Variants in AQP7B observed in about 807,000 individuals in gnomAD.
AQP7B encodes the protein aquaporin 7B.
At chr2:94,591,570 C>T in the AQP7B span, among the ~76,000 whole-genome samples, 1 of 152,160 alleles carries the variant, frequency 6.6e-6, no homozygotes, top group Non-Finnish European at 1.5e-5. Flanking sequence ...TGAAATCCTC[C>T]ACTTGGCCCA....
the AQP7B span, chr2:94,603,916 A>C: frequency 2.3e-6 from 3 of 1,293,236 alleles, no homozygotes; most frequent in Admixed American, 5.2e-5. Context: ...TGGCTGGGGC[A>C]AACAGGTCTT....
chr2:94,600,521 C>CTCA, the AQP7B span, among the ~76,000 whole-genome samples: 1 of 152,072 alleles, frequency 6.6e-6, no homozygotes. Flanking sequence ...TGCTTAAGGC[C>CTCA]AGGAGCTCAA....
the AQP7B span, chr2:94,603,192 G>A: frequency 1.4e-6 from 2 of 1,477,646 alleles, no homozygotes; most frequent in Non-Finnish European, 1.9e-6. Context: ...TGCTGCCTGG[G>A]TGTCCACCTC....
the AQP7B span, among the ~76,000 whole-genome samples, chr2:94,601,294 G>A: frequency 2.0e-5 from 3 of 152,286 alleles, no homozygotes; most frequent in South Asian, 6.2e-4. Context: ...TTTCTGGCTC[G>A]GCCAACGGGG....
chr2:94,589,738 C>T, the AQP7B span, among the ~76,000 whole-genome samples: 1 of 151,934 alleles, frequency 6.6e-6, no homozygotes, highest in African/African-American at 2.4e-5. Flanking sequence ...TGGTGTCTCA[C>T]AGGCAACTCA....
At chr2:94,597,820 G>A in the AQP7B span, among the ~76,000 whole-genome samples, 12 of 152,082 alleles carry the variant, frequency 7.9e-5, no homozygotes, top group South Asian at 2.5e-3. Context: ...GTCAAGGCTG[G>A]TCTTGAACTC....
chr2:94,598,804 T>TTTTATTTA, the AQP7B span, among the ~76,000 whole-genome samples: 19 of 152,272 alleles, frequency 1.2e-4, no homozygotes, highest in Non-Finnish European at 2.5e-4. Context: ...CAGTATTTTA[T>TTTTATTTA]TTTATTTATT....
the AQP7B span, chr2:94,603,684 G>A: frequency 4.9e-5 from 67 of 1,377,834 alleles, no homozygotes; most frequent in South Asian, 9.0e-4. Flanking sequence ...AGGGGCCCAG[G>A]TGAGCTGCCA....
chr2:94,593,227 G>T, the AQP7B span, among the ~76,000 whole-genome samples: 4 of 151,942 alleles, frequency 2.6e-5, no homozygotes, highest in Admixed American at 2.0e-4. Context: ...AGGGTAGGAG[G>T]CTCTCCCAGA....
At chr2:94,600,486 C>T in the AQP7B span, among the ~76,000 whole-genome samples, 3 of 152,144 alleles carry the variant, frequency 2.0e-5, no homozygotes, top group Non-Finnish European at 4.4e-5. Flanking sequence ...AATCCCAGCA[C>T]TCTGGGAGGC....
At chr2:94,589,169 T>TG in the AQP7B span, among the ~76,000 whole-genome samples, 11 of 148,188 alleles carry the variant, frequency 7.4e-5, no homozygotes, top group South Asian at 4.3e-4. Context: ...TAGTTGTTGT[T>TG]TTTTTTTTTT....
chr2:94,602,504 G>T, the AQP7B span: 13 of 1,605,290 alleles, frequency 8.1e-6, no homozygotes, highest in Middle Eastern at 2.3e-4. Context: ...ATTCGGCCTT[G>T]GTTCTGTGGC....
chr2:94,600,231 G>C, the AQP7B span, among the ~76,000 whole-genome samples: 4 of 152,024 alleles, frequency 2.6e-5, no homozygotes, highest in Admixed American at 1.3e-4. Context: ...CTTTGACTTC[G>C]GCCCTTATGT....
the AQP7B span, among the ~76,000 whole-genome samples, chr2:94,596,742 T>A: frequency 6.6e-6 from 1 of 152,160 alleles, no homozygotes; most frequent in African/African-American, 2.4e-5. Context: ...CTCTGTCTCC[T>A]AGGATGGATT....
At chr2:94,590,330 C>G in the AQP7B span, among the ~76,000 whole-genome samples, 1 of 152,184 alleles carries the variant, frequency 6.6e-6, no homozygotes, top group African/African-American at 2.4e-5. Flanking sequence ...TTACAGGCAC[C>G]TACCACCACG....
the AQP7B span, among the ~76,000 whole-genome samples, chr2:94,588,049 G>C: frequency 6.6e-6 from 1 of 152,008 alleles, no homozygotes; most frequent in Non-Finnish European, 1.5e-5. Flanking sequence ...GCCTCATCCT[G>C]TGTGTTCACC....
chr2:94,601,567 AG>A, the AQP7B span, among the ~76,000 whole-genome samples: 1 of 152,164 alleles, frequency 6.6e-6, no homozygotes, highest in African/African-American at 2.4e-5. Flanking sequence ...GACATGTGGA[AG>A]TGGAAGCCAG....
chr2:94,589,137 C>T, the AQP7B span, among the ~76,000 whole-genome samples: 1 of 151,806 alleles, frequency 6.6e-6, no homozygotes, highest in African/African-American at 2.4e-5. Context: ...ATTACAGGCA[C>T]ACACTACCAT....
At chr2:94,588,358 C>A in the AQP7B span, among the ~76,000 whole-genome samples, 1 of 151,912 alleles carries the variant, frequency 6.6e-6, no homozygotes. Context: ...CTCCTCCCTC[C>A]CTGTTGCTTG....
Sources: allele counts gnomAD v4.1 joint callset (sites outside exome capture counted in the v4.1 genomes callset), GRCh38; gene constraint gnomAD v4.1.1; transcripts MANE v1.5; gene names NCBI Gene and HGNC (gene_info 2026-07-23, HGNC 2026-07-21).